The following KIF5A variants were observed in gnomAD, a reference collection of about 807,000 sequenced individuals.
KIF5A encodes the protein kinesin heavy chain isoform 5A.
A neutral mutation model predicts 141.3 loss-of-function variants in KIF5A; 35 were observed. That is an observed-to-expected ratio of 0.25 (90% confidence interval 0.19 to 0.33). The LOEUF (loss-of-function observed/expected upper bound fraction) is 0.33, where lower values mean the gene tolerates loss of function less well. Ranked by LOEUF, KIF5A falls within the 10% of genes least tolerant of loss-of-function variation. The pLI is 1.00. For synonymous variants in KIF5A, 448 were observed against 500.2 expected (o/e 0.90, Z 1.39); for missense variants, 861 against 1,314.3 (o/e 0.66, Z 5.33).
intron 8 of KIF5A, among the ~76,000 whole-genome samples, chr12:57,568,365 A>C (rs1882135935): frequency 6.6e-6 from 1 of 152,038 alleles, no homozygotes. Flanking sequence ...CCCTAACCCC[A>C]TCCCCTGTCA....
intron 1 of KIF5A, among the ~76,000 whole-genome samples, chr12:57,559,213 G>A (rs1428112833): frequency 6.6e-6 from 1 of 152,272 alleles, no homozygotes; most frequent in Non-Finnish European, 1.5e-5. Context: ...TGTGCAGTAT[G>A]TCTACAGGAT....
rs539455203 is a variant in KIF5A, at chr12:57,580,840, T to C, written c.2539-116T>C. On this transcript the variant is annotated intron_variant, in intron 23 of 28. Transcript: ENST00000455537. The stretch of plus-strand genomic sequence containing the variant: ...GAAATGACATGGTCTCCATCTTCTC[T>C]GACTCCTGATTTTTCTTTATTCTCT... 66 of 899,028 alleles carry C rather than the reference T, an allele frequency of 7.3e-5. No individual in the cohort carries two copies. The Admixed American group carries it at 1.1e-3, about 15-fold the overall frequency. The allele number at this position is 899,028 out of a possible 1,614,324, so 55.7% of individuals were successfully genotyped here.
chr12:57,576,921 C>G (rs1882445872), intron 20 of KIF5A, 59 bp downstream of exon 20: 3 of 1,270,874 alleles, frequency 2.4e-6, no homozygotes, highest in African/African-American at 1.5e-5. Flanking sequence ...ACTGTGAACT[C>G]AGACACGCTT....
intron 23 of KIF5A, among the ~76,000 whole-genome samples, chr12:57,578,637 A>G (rs1882501361): frequency 6.6e-6 from 1 of 152,180 alleles, no homozygotes; most frequent in Non-Finnish European, 1.5e-5. Context: ...GGCTGTAACT[A>G]TACAGGAGGG....
intron 12 of KIF5A, among the ~76,000 whole-genome samples, chr12:57,570,665 G>A (rs936104551): frequency 1.3e-5 from 2 of 152,074 alleles, no homozygotes; most frequent in Admixed American, 6.5e-5. Flanking sequence ...GATTACAGGC[G>A]TGAGCCACCG....
chr12:57,559,157 G>A (rs887345132), intron 1 of KIF5A, among the ~76,000 whole-genome samples: 6 of 152,206 alleles, frequency 3.9e-5, no homozygotes, highest in Non-Finnish European at 8.8e-5. Flanking sequence ...CTAATCATCT[G>A]CTATTACAAA....
intron 7 of KIF5A, 89 bp downstream of exon 7, chr12:57,567,302 GGAAACTGTACCCCCCA>G: frequency 7.7e-7 from 1 of 1,291,952 alleles, no homozygotes; most frequent in Non-Finnish European, 1.1e-6. Context: ...AAGTGAGCAA[GGAAACTGTACCCCCCA>G]GAGGAGGAGG....
chr12:57,565,087 A>C, intron 6 of KIF5A, 114 bp downstream of exon 6: 1 of 951,212 alleles, frequency 1.1e-6, no homozygotes, highest in Non-Finnish European at 1.7e-6. Context: ...GAGGAATGAG[A>C]TGTGCCTAGG....
chr12:57,579,747 C>T (rs1347694098), intron 23 of KIF5A, among the ~76,000 whole-genome samples: 1 of 152,200 alleles, frequency 6.6e-6, no homozygotes, highest in East Asian at 1.9e-4. Context: ...GCTTAGAACA[C>T]ACACACACAT....
At chr12:57,561,092 T>C (rs1307285326) in intron 1 of KIF5A, among the ~76,000 whole-genome samples, 1 of 152,142 alleles carries the variant, frequency 6.6e-6, no homozygotes, top group Admixed American at 6.5e-5. Flanking sequence ...CAGGCTGGAG[T>C]GCAGTGGCCC....
chr12:57,579,502 CTT>C (rs577843320), intron 23 of KIF5A, among the ~76,000 whole-genome samples: 1 of 150,242 alleles, frequency 6.7e-6, no homozygotes, highest in African/African-American at 2.4e-5. Flanking sequence ...ATATTCAGTA[CTT>C]TTTTTTTTCT....
In KIF5A at chr12:57,550,110, G is replaced by A; in HGVS notation, c.-162G>A. 1 of 902,308 alleles carries A rather than the reference G, an allele frequency of 1.1e-6. No homozygotes were observed. Among genetic ancestry groups the A allele is most frequent in the Non-Finnish European group, 1.7e-6 (1 of 575,890 alleles). The allele number at this position is 902,308 out of a possible 1,614,324, so 55.9% of individuals were successfully genotyped here. A position where few individuals can be genotyped will look rare whatever the true frequency, so the allele number is the denominator to read the frequency against. ...CGCTGCCGCAGGAGAGAGACAGCGC[G>A]CCCCGGCCCTGCTCCCCAGGCTTCG... On this transcript the variant is annotated 5_prime_UTR_variant, in exon 1 of 29. Coordinates refer to ENST00000455537, the MANE Select transcript of KIF5A (RefSeq NM_004984.4). This position sits in a 1 kb window ranked among gnomAD's most constrained non-coding sequence, Gnocchi z 4.6.
In KIF5A at chr12:57,550,508, C is replaced by T. The variant is rs1025444769; in HGVS notation, c.129+108C>T. On this transcript the variant is annotated intron_variant, in intron 1 of 28. Transcript: ENST00000455537. This position sits in a 1 kb window ranked among gnomAD's most constrained non-coding sequence, Gnocchi z 4.6. The stretch of plus-strand genomic sequence containing the variant: ...GTCCCTTTGCTCCCCCTCCCCGCCG[C>T]TCATCCTTCATCCTCTTCCCCGCAG... 9.2e-6 allele frequency: 11 copies of T among 1,194,664 alleles called. No homozygotes were observed. The highest frequency in any genetic ancestry group is 3.9e-5 in the Admixed American group (2 of 51,260). 74.0% of individuals were successfully genotyped at this position (1,194,664 alleles called of 1,614,324 possible). A position where few individuals can be genotyped will look rare whatever the true frequency, so the allele number is the denominator to read the frequency against.
chr12:57,572,312 A>G lies in KIF5A; in HGVS notation c.1569+45A>G, dbSNP rs1222907070. ...TCCAACAGCTCCCTGACCACAGAAC[A>G]TCTCCCATGTCGAGGGGACCTCTGC... On this transcript the variant is annotated intron_variant, in intron 14 of 28. Coordinates refer to ENST00000455537, the MANE Select transcript of KIF5A (RefSeq NM_004984.4). The surrounding 1 kb of genome is among the most constrained non-coding windows in gnomAD (Gnocchi z 4.2). The G allele has an allele frequency of 1.3e-6, 2 of 1,540,932 alleles. No individual in the cohort carries two copies. Among genetic ancestry groups the G allele is most frequent in the Middle Eastern group, 1.7e-4 (1 of 5,954 alleles).
intron 11 of KIF5A, 25 bp from the exon 12 acceptor site, chr12:57,569,962 C>A (rs762203991): frequency 6.2e-7 from 1 of 1,610,240 alleles, no homozygotes; most frequent in Admixed American, 1.7e-5. Context: ...TCTTCCATCT[C>A]TCACCTCGTC....
intron 17 of KIF5A, 110 bp downstream of exon 17, chr12:57,575,867 A>G (rs1882408402): frequency 5.3e-6 from 5 of 943,918 alleles, no homozygotes. Context: ...GAAATCATGG[A>G]TGCCAACTCA....
In KIF5A at chr12:57,572,850, C is replaced by A; in HGVS notation, c.1716+124C>A. The stretch of plus-strand genomic sequence containing the variant: ...GAGAGCCAGGAAACATGCCTTTGAA[C>A]TAGACCCAGGAAGACAGGTAGAGGC... On this transcript the variant is annotated intron_variant, in intron 15 of 28. Coordinates refer to ENST00000455537, the MANE Select transcript of KIF5A (RefSeq NM_004984.4). The surrounding 1 kb of genome is among the most constrained non-coding windows in gnomAD (Gnocchi z 4.2). 1.7e-6 allele frequency: 2 copies of A among 1,180,992 alleles called. No individual in the cohort carries two copies. Among genetic ancestry groups the A allele is most frequent in the Non-Finnish European group, 2.5e-6 (2 of 789,144 alleles). 73.2% of individuals were successfully genotyped at this position (1,180,992 alleles called of 1,614,324 possible).
intron 8 of KIF5A, 86 bp downstream of exon 8, chr12:57,567,704 G>T: frequency 2.8e-6 from 4 of 1,418,906 alleles, no homozygotes; most frequent in Non-Finnish European, 3.7e-6. Context: ...TCTGTCGCCC[G>T]GGCTGGTTTG....
chr12:57,573,550 C>G (rs577421453), intron 15 of KIF5A, among the ~76,000 whole-genome samples: 4 of 150,744 alleles, frequency 2.7e-5, no homozygotes, highest in Non-Finnish European at 4.4e-5. Context: ...AAAAAAGAGG[C>G]TGTACATGGT....
Sources: allele counts gnomAD v4.1 joint callset (sites outside exome capture counted in the v4.1 genomes callset), GRCh38; gene constraint gnomAD v4.1.1; non-coding constraint Gnocchi (gnomAD v3.1); transcripts MANE v1.5; gene names NCBI Gene and HGNC (gene_info 2026-07-23, HGNC 2026-07-21).